Variants in IPO11 observed in about 807,000 individuals in gnomAD.
IPO11 encodes importin 11, also known as importin-11.
A neutral mutation model predicts 143.2 loss-of-function variants in IPO11; 66 were observed. The ratio of observed to expected loss-of-function variants is 0.46; its 90% CI spans 0.38 to 0.57. The LOEUF is 0.57. IPO11 is among the 20% of genes least tolerant of loss of function. The pLI is 0.00. For synonymous variants in IPO11, 385 were observed against 377.8 expected, an observed-to-expected ratio of 1.02 and a Z score of -0.22; for missense variants, 1,026 against 1,141.0, an observed-to-expected ratio of 0.90 and a Z score of 1.45.
At chr5:62,536,809 G>A in intron 23 of IPO11, 28 bp downstream of exon 23, 1 of 1,451,610 alleles carries the variant, frequency 6.9e-7, no homozygotes. Flanking sequence ...TGCATTATAT[G>A]AAATTATATA....
In IPO11 at chr5:62,479,567, A is replaced by G. The variant is rs567601008; in HGVS notation, c.828+2814A>G. ...ACAGTCCCACCAACAGTGTAAAAGC[A>G]TTCCTATTTCTCCACATCCTCTCCA... On this transcript the variant is annotated intron_variant, in intron 9 of 29. Transcript: ENST00000325324. Among the ~76,000 whole-genome samples the G allele has an allele frequency of 7.9e-5, 12 of 152,206 alleles. No homozygotes were observed. In the East Asian group the frequency reaches 1.2e-3, roughly 15 times the overall value.
At chr5:62,499,227 C>A (rs32048) in intron 16 of IPO11, among the ~76,000 whole-genome samples, 108,443 of 152,090 alleles carry the variant, frequency 0.71, 39,373 homozygotes, top group African/African-American at 0.85. Flanking sequence ...GAGGCTATCT[C>A]GGCTGTGGGT....
intron 29 of IPO11, among the ~76,000 whole-genome samples, chr5:62,602,901 C>T (rs1307669118): frequency 2.0e-5 from 3 of 152,190 alleles, no homozygotes; most frequent in Non-Finnish European, 4.4e-5. Context: ...TTTGCCTCAT[C>T]TGTGAAAAGC....
chr5:62,582,980 C>T (rs1434878271), intron 27 of IPO11, among the ~76,000 whole-genome samples: 5 of 152,110 alleles, frequency 3.3e-5, no homozygotes, highest in African/African-American at 1.2e-4. Context: ...AAAGCCCCAC[C>T]AACCCCAAAG....
chr5:62,568,281 A>C (rs901243338), intron 27 of IPO11, among the ~76,000 whole-genome samples: 2 of 151,762 alleles, frequency 1.3e-5, no homozygotes, highest in African/African-American at 4.8e-5. Context: ...ATTTTCAAAT[A>C]TTCTGTCTTC....
At chr5:62,464,623 C>T (rs1745504595) in intron 5 of IPO11, among the ~76,000 whole-genome samples, 3 of 151,906 alleles carry the variant, frequency 2.0e-5, no homozygotes, top group South Asian at 2.1e-4. Flanking sequence ...AGTATAGGCG[C>T]ACCCCACCAT....
intron 26 of IPO11, among the ~76,000 whole-genome samples, chr5:62,557,238 C>G (rs1016902387): frequency 1.3e-5 from 2 of 152,000 alleles, no homozygotes; most frequent in Admixed American, 1.3e-4. Context: ...GGCTGGAGTG[C>G]AATGGCGCGA....
At chr5:62,618,165 TTAAAG>T (rs1746211011) in intron 29 of IPO11, among the ~76,000 whole-genome samples, 1 of 152,134 alleles carries the variant, frequency 6.6e-6, no homozygotes, top group Non-Finnish European at 1.5e-5. Context: ...TCTGACCACA[TTAAAG>T]TAAAACCAGG....
At chr5:62,506,211 C>T in intron 18 of IPO11, 30 bp from the exon 19 acceptor site, 1 of 1,261,324 alleles carries the variant, frequency 7.9e-7, no homozygotes, top group Non-Finnish European at 1.1e-6. Context: ...TATTATAAAC[C>T]TTTTTTATTT....
intron 27 of IPO11, among the ~76,000 whole-genome samples, chr5:62,575,244 C>T (rs977251292): frequency 2.6e-5 from 4 of 152,192 alleles, no homozygotes; most frequent in Admixed American, 6.5e-5. Flanking sequence ...AAAGAACACT[C>T]ATATGACCTT....
intron 26 of IPO11, among the ~76,000 whole-genome samples, chr5:62,559,520 A>G (rs1335287761): frequency 6.6e-6 from 1 of 152,134 alleles, no homozygotes; most frequent in Non-Finnish European, 1.5e-5. Flanking sequence ...TTGTTATTTT[A>G]GCAGTGTTCA....
At chr5:62,570,064 G>A (rs1744083256) in intron 27 of IPO11, among the ~76,000 whole-genome samples, 1 of 152,112 alleles carries the variant, frequency 6.6e-6, no homozygotes, top group African/African-American at 2.4e-5. Context: ...TTTTGAATTG[G>A]CTAATAATTA....
At chr5:62,577,914 TAGAA>T (rs1246141305) in intron 27 of IPO11, among the ~76,000 whole-genome samples, 7 of 152,084 alleles carry the variant, frequency 4.6e-5, no homozygotes, top group African/African-American at 9.7e-5. Flanking sequence ...AAGTCAGAAT[TAGAA>T]AGCTTAAGCA....
At chr5:62,619,309 C>T (rs1746260655) in intron 29 of IPO11, among the ~76,000 whole-genome samples, 1 of 152,148 alleles carries the variant, frequency 6.6e-6, no homozygotes, top group Admixed American at 6.5e-5. Context: ...TCCTCCATCC[C>T]TCCCTTCCTT....
At chr5:62,567,618 A>G (rs1353523804) in intron 27 of IPO11, among the ~76,000 whole-genome samples, 2 of 125,582 alleles carry the variant, frequency 1.6e-5, no homozygotes, top group Non-Finnish European at 3.1e-5. Flanking sequence ...GCTGCAGTGC[A>G]TTGGAACGAT....
Position 62,485,400 on chromosome 5 carries a change from T to G in IPO11, c.1175-19T>G. 6.3e-7 allele frequency: 1 copy of G among 1,585,664 alleles called. No homozygotes were observed. The highest frequency in any genetic ancestry group is 8.7e-7 in the Non-Finnish European group (1 of 1,154,924). ...ACCAAGATGTTGAAAATGTCATTAT[T>G]ACATATTTTTAATTGCAGCAGTGGA... On this transcript the variant is annotated intron_variant, in intron 11 of 29. Coordinates refer to ENST00000325324, the MANE Select transcript of IPO11 (RefSeq NM_016338.5).
chr5:62,579,780 T>C (rs918273153), intron 27 of IPO11: 1 of 1,542,872 alleles, frequency 6.5e-7, no homozygotes, highest in Non-Finnish European at 8.8e-7. Flanking sequence ...ATTTTCTATT[T>C]CTAAATAATA....
At chr5:62,468,202 A>G (rs1745634133) in intron 6 of IPO11, among the ~76,000 whole-genome samples, 1 of 152,142 alleles carries the variant, frequency 6.6e-6, no homozygotes, top group Admixed American at 6.5e-5. Context: ...AGGGATGAGC[A>G]CTGTGCCTGG....
chr5:62,414,709 C>T (rs1743228249), intron 1 of IPO11, among the ~76,000 whole-genome samples: 1 of 152,184 alleles, frequency 6.6e-6, no homozygotes, highest in African/African-American at 2.4e-5. Context: ...AGGCTCAATC[C>T]AGAGCTGCTG....
Sources: allele counts gnomAD v4.1 joint callset (sites outside exome capture counted in the v4.1 genomes callset), GRCh38; gene constraint gnomAD v4.1.1; transcripts MANE v1.5; gene names NCBI Gene and HGNC (gene_info 2026-07-23, HGNC 2026-07-21).